NRG1: variants seen among roughly 807,000 people sequenced by gnomAD.
NRG1 encodes the protein neuregulin 1.
A neutral mutation model predicts 63.8 loss-of-function variants in NRG1; 18 were observed. The observed-to-expected ratio is 0.28, with a 90% CI of 0.19 to 0.42. NRG1 has a LOEUF of 0.42. NRG1 is among the 10% of genes least tolerant of loss of function. The probability of loss-of-function intolerance (pLI) is 1.00; values close to 1 mark genes in which losing one functional copy is unlikely to be tolerated. For missense variants in NRG1, 762 were observed against 814.7 expected (o/e 0.94, Z 0.79); for synonymous variants, 302 against 301.3 (o/e 1.00, Z -0.02).
chr8:32,260,680 T>C (rs1299767141), intron 1 of NRG1, among the ~76,000 whole-genome samples: 1 of 152,228 alleles, frequency 6.6e-6, no homozygotes, highest in Admixed American at 6.5e-5. Context: ...TTCTGCTAAA[T>C]GCTAAAGTCA....
At chr8:31,736,472 G>T (rs1469038759) in intron 1 of NRG1, among the ~76,000 whole-genome samples, 1 of 152,052 alleles carries the variant, frequency 6.6e-6, no homozygotes, top group Non-Finnish European at 1.5e-5. Context: ...ACACATGATA[G>T]CTACCTCATG....
intron 1 of NRG1, among the ~76,000 whole-genome samples, chr8:32,328,637 C>G (rs868052370): frequency 6.6e-6 from 1 of 151,950 alleles, no homozygotes; most frequent in Admixed American, 6.6e-5. Context: ...GCTGAATGTC[C>G]CAAAGTGGTG....
chr8:31,969,398 T>TAA (rs1353436794), intron 1 of NRG1, among the ~76,000 whole-genome samples: 1 of 152,226 alleles, frequency 6.6e-6, no homozygotes, highest in Admixed American at 6.5e-5. Context: ...TTTATTGATG[T>TAA]AAGCCATTTC....
At chr8:32,090,067 C>G (rs1828877304) in intron 1 of NRG1, among the ~76,000 whole-genome samples, 1 of 152,118 alleles carries the variant, frequency 6.6e-6, no homozygotes, top group Non-Finnish European at 1.5e-5. Flanking sequence ...GAGCATAAAT[C>G]TATCAACAGC....
intron 1 of NRG1, among the ~76,000 whole-genome samples, chr8:32,417,623 C>T (rs185923844): frequency 6.6e-6 from 1 of 151,424 alleles, no homozygotes; most frequent in Admixed American, 6.6e-5. Flanking sequence ...CCACACACAT[C>T]TCTCCATTTG....
intron 1 of NRG1, among the ~76,000 whole-genome samples, chr8:32,110,753 C>T (rs1417997428): frequency 8.5e-5 from 13 of 152,142 alleles, no homozygotes; most frequent in Admixed American, 7.9e-4. Flanking sequence ...AGTCATGGTA[C>T]TCACAATTAC....
At chr8:32,601,547 T>A (rs1434787038) in intron 2 of NRG1, among the ~76,000 whole-genome samples, 1 of 152,108 alleles carries the variant, frequency 6.6e-6, no homozygotes, top group African/African-American at 2.4e-5. Flanking sequence ...GACTTAGCAA[T>A]CCCAAATAAT....
chr8:31,833,874 T>G (rs1168209175), intron 1 of NRG1, among the ~76,000 whole-genome samples: 1 of 152,180 alleles, frequency 6.6e-6, no homozygotes, highest in Non-Finnish European at 1.5e-5. Context: ...ACAGAAGTTT[T>G]TCTTTGCTTC....
exon 1 of NRG1, chr8:32,548,792 G>A: frequency 1.3e-6 from 2 of 1,585,524 alleles, no homozygotes; most frequent in Non-Finnish European, 1.7e-6. Flanking sequence ...GCTCCGGCAA[G>A]AAGCCGGAGT....
chr8:32,656,581 A>G (rs1357565105), intron 5 of NRG1, among the ~76,000 whole-genome samples: 1 of 152,154 alleles, frequency 6.6e-6, no homozygotes, highest in East Asian at 1.9e-4. Flanking sequence ...AGTGGGCATA[A>G]TATATGTATT....
intron 1 of NRG1, among the ~76,000 whole-genome samples, chr8:31,820,879 G>C (rs562646753): frequency 6.6e-6 from 1 of 152,270 alleles, no homozygotes; most frequent in Admixed American, 6.5e-5. Flanking sequence ...AATCAGGCTA[G>C]GTGTGAAACA....
chr8:32,273,207 C>G (rs1055560024), intron 1 of NRG1, among the ~76,000 whole-genome samples: 1 of 152,076 alleles, frequency 6.6e-6, no homozygotes, highest in African/African-American at 2.4e-5. Flanking sequence ...TGGTTGTGGG[C>G]AGATTTAGGT....
intron 1 of NRG1, among the ~76,000 whole-genome samples, chr8:31,855,901 G>A (rs1308704637): frequency 6.6e-6 from 1 of 151,910 alleles, no homozygotes; most frequent in Non-Finnish European, 1.5e-5. Context: ...TGAAATTCTG[G>A]GTTGAAAATT....
intron 5 of NRG1, among the ~76,000 whole-genome samples, chr8:32,652,163 G>A (rs938459198): frequency 2.0e-5 from 3 of 152,154 alleles, no homozygotes; most frequent in African/African-American, 7.2e-5. Flanking sequence ...AGCTAGAGAC[G>A]AATGTAGCAT....
chr8:32,194,594 T>G (rs966798591), intron 1 of NRG1, among the ~76,000 whole-genome samples: 1 of 152,060 alleles, frequency 6.6e-6, no homozygotes, highest in African/African-American at 2.4e-5. Context: ...AGGACAAGAA[T>G]GAGGATGTGA....
intron 1 of NRG1, among the ~76,000 whole-genome samples, chr8:32,270,161 C>A (rs1394095182): frequency 6.6e-6 from 1 of 152,098 alleles, no homozygotes; most frequent in Non-Finnish European, 1.5e-5. Flanking sequence ...CAAGTTATAT[C>A]TAAATAGGAA....
intron 1 of NRG1, among the ~76,000 whole-genome samples, chr8:31,904,189 C>CAAG (rs1832330953): frequency 6.6e-6 from 1 of 152,026 alleles, no homozygotes; most frequent in Non-Finnish European, 1.5e-5. Flanking sequence ...GGAAGTTTGG[C>CAAG]CATAACTAGT....
intron 1 of NRG1, among the ~76,000 whole-genome samples, chr8:32,320,894 T>A (rs1801306513): frequency 6.6e-6 from 1 of 152,174 alleles, no homozygotes; most frequent in Non-Finnish European, 1.5e-5. Context: ...AGCTTTGGTG[T>A]AAAGGTAGGT....
At chr8:32,603,649 G>A (rs371654769) in intron 2 of NRG1, among the ~76,000 whole-genome samples, 56 of 152,136 alleles carry the variant, frequency 3.7e-4, no homozygotes, top group African/African-American at 1.2e-3. Flanking sequence ...GCTAATTTTT[G>A]TATTTTTAGT....
Sources: gnomAD v4.1 joint callset for allele counts (sites outside exome capture counted in the v4.1 genomes callset) on GRCh38, gnomAD v4.1.1 for gene constraint, MANE v1.5 for transcripts, NCBI Gene and HGNC (gene_info 2026-07-23, HGNC 2026-07-21) for gene names.